Variants in RYR1 observed in about 807,000 individuals in gnomAD.
The protein encoded by RYR1 is central core disease of muscle.
Under a neutral mutation model 583.5 loss-of-function variants are expected in RYR1, and 342 were observed. The observed-to-expected ratio is 0.59, with a 90% confidence interval of 0.54 to 0.64. The LOEUF (loss-of-function observed/expected upper bound fraction) is 0.64. Ranked by LOEUF, RYR1 falls within the 30% of genes least tolerant of loss-of-function variation. The pLI is 0.00. For synonymous variants in RYR1, 2,791 were observed against 2,822.5 expected (o/e 0.99, Z 0.35); for missense variants, 6,032 against 6,917.2 (o/e 0.87, Z 4.54).
Position 38,543,867 on chromosome 19 carries a change from C to T in RYR1, c.12004C>T (p.Leu4002Phe). The change falls in exon 87 of 106, where the codon CTC becomes TTC. Residue 4002 changes from leucine to phenylalanine, a missense_variant. Around this residue, in one of 11 missense-constraint regions of RYR1, gnomAD observed 82 missense variants for 139.7 expected, o/e 0.59. Transcript: ENST00000359596. This position sits in a 1 kb window ranked among gnomAD's most constrained non-coding sequence, Gnocchi z 4.4. ...LHVFAHMMMK[L>F]AQDSSQIELL... Reference sequence around the variant, plus strand: ...CGTGTTCGCCCACATGATGATGAAGCTCGCTCAGGTTCGAGCCCCTCTGGT... The same window carrying T: ...CGTGTTCGCCCACATGATGATGAAGTTCGCTCAGGTTCGAGCCCCTCTGGT... 1 of 1,613,338 alleles carries T rather than the reference C, an allele frequency of 6.2e-7. No individual in the cohort carries two copies. The highest frequency in any genetic ancestry group is 8.5e-7 in the Non-Finnish European group (1 of 1,179,982).
rs780267024 is a variant in RYR1 at position 38,494,852 on chromosome 19, C to CTTT, written c.6548+227_6548+228insTTT. Among the ~76,000 whole-genome samples the CTTT allele has an allele frequency of 9.7e-4, 138 of 142,172 alleles. 5 individuals are homozygous for CTTT. The highest frequency in any genetic ancestry group is 3.5e-3 in the African/African-American group (124 of 35,400). The allele number at this position is 142,172 out of a possible 152,430, so 93.3% of individuals were successfully genotyped here. On this transcript the variant is annotated intron_variant, in intron 39 of 105. Transcript: ENST00000359596. Reference sequence around the variant, plus strand: ...CTCAGCAGGACATTCCCCACCCCCCCCTTTTTTTTTTTTTTTGTGAGACTG... The same window carrying CTTT: ...CTCAGCAGGACATTCCCCACCCCCCCTTTCTTTTTTTTTTTTTTTGTGAGACTG...
At chr19:38,563,476 G>A (rs938348731) in intron 90 of RYR1, among the ~76,000 whole-genome samples, 2 of 152,196 alleles carry the variant, frequency 1.3e-5, no homozygotes, top group Non-Finnish European at 2.9e-5. Context: ...TGTTGGCAAG[G>A]CTGGTCTTGA....
chr19:38,559,128 G>A (rs1039389667), intron 89 of RYR1, among the ~76,000 whole-genome samples: 4 of 152,056 alleles, frequency 2.6e-5, no homozygotes, highest in African/African-American at 9.7e-5. Flanking sequence ...AAAGGGATGG[G>A]CAATGAATGA....
chr19:38,523,193 C>G (rs1288426312), intron 68 of RYR1, 24 bp from the exon 69 acceptor site: 1 of 1,614,108 alleles, frequency 6.2e-7, no homozygotes, highest in Non-Finnish European at 8.5e-7. Flanking sequence ...CCTGTCCGGT[C>G]TGCAACACTG....
intron 89 of RYR1, among the ~76,000 whole-genome samples, chr19:38,551,189 G>T (rs1209723823): frequency 2.0e-5 from 3 of 151,518 alleles, no homozygotes; most frequent in Non-Finnish European, 4.4e-5. Context: ...TGGGATTACA[G>T]GTATGCACCA....
chr19:38,488,694 G>A (rs1442491091), intron 34 of RYR1, among the ~76,000 whole-genome samples: 5 of 152,020 alleles, frequency 3.3e-5, no homozygotes, highest in African/African-American at 7.2e-5. Flanking sequence ...TTGTAGAGAC[G>A]GGGTTTCACC....
chr19:38,468,751 GAC>G (rs1217162950), intron 25 of RYR1, among the ~76,000 whole-genome samples: 1 of 152,194 alleles, frequency 6.6e-6, no homozygotes, highest in Non-Finnish European at 1.5e-5. Context: ...GAAGGGATGA[GAC>G]ACAGAGATTA....
At chr19:38,486,292 T>A (rs538810262) in intron 34 of RYR1, 90 bp downstream of exon 34, 31 of 1,493,052 alleles carry the variant, frequency 2.1e-5, no homozygotes, top group South Asian at 2.0e-4. Context: ...CCTCTATTTA[T>A]GCATCCAACC....
chr19:38,460,329 C>T, intron 19 of RYR1, 46 bp from the exon 20 acceptor site: 1 of 1,548,002 alleles, frequency 6.5e-7, no homozygotes, highest in Non-Finnish European at 8.9e-7. Flanking sequence ...ACAGACTGTC[C>T]CCCATAACCT....
At chr19:38,479,368 A>C (rs781278896) in intron 31 of RYR1, among the ~76,000 whole-genome samples, 7 of 152,048 alleles carry the variant, frequency 4.6e-5, no homozygotes, top group Non-Finnish European at 7.4e-5. Context: ...CTTTATTTTA[A>C]TTTTTTGGCA....
chr19:38,563,548 C>T (rs867582886), intron 90 of RYR1, among the ~76,000 whole-genome samples: 6 of 152,282 alleles, frequency 3.9e-5, no homozygotes, highest in Non-Finnish European at 5.9e-5. Flanking sequence ...TACAGGTGTG[C>T]GCCACCGTGG....
At chr19:38,567,029 C>A (rs1344370758) in intron 92 of RYR1, 42 bp downstream of exon 92, 1 of 1,553,978 alleles carries the variant, frequency 6.4e-7, no homozygotes, top group East Asian at 2.4e-5. Context: ...CCTATCACTG[C>A]CTCCCTCCTA....
Position 38,494,626 on chromosome 19 carries a change from G to A in RYR1, c.6548+1G>A. 1 of 1,614,046 alleles carries A rather than the reference G, an allele frequency of 6.2e-7. No individual in the cohort carries two copies. The highest frequency in any genetic ancestry group is 8.5e-7 in the Non-Finnish European group (1 of 1,180,032). On this transcript the variant is annotated splice_donor_variant, in intron 39 of 105. Transcript: ENST00000359596. LOFTEE classifies it high-confidence loss of function. ...AGAACCTCATGATCCAGAGCATCGG[G>A]TGAGACACCGCCCTTCCCCCTTACT...
Position 38,452,879 on chromosome 19 carries a change from G to C in RYR1, c.1305G>C (p.Leu435=). ...RGSGPPAGTA[L]PIEGVILSLQ... ...CGGGGCCACCCGCTGGCACGGCGCT[G>C]CCCATCGAGGGCGTTATCCTGAGCC... Residue 435 remains leucine (L), a synonymous_variant, in exon 13 of 106, where the codon CTG becomes CTC. Transcript: ENST00000359596. The C allele has an allele frequency of 6.2e-7, 1 of 1,611,642 alleles. No homozygotes were observed. Among genetic ancestry groups the C allele is most frequent in the Non-Finnish European group, 8.5e-7 (1 of 1,178,930 alleles).
At chr19:38,569,320 C>A (rs1360748796) in intron 93 of RYR1, among the ~76,000 whole-genome samples, 2 of 146,314 alleles carry the variant, frequency 1.4e-5, no homozygotes, top group African/African-American at 5.0e-5. Flanking sequence ...TATTTTTAAT[C>A]TTTTTTTTTT....
At chr19:38,448,532 C>T (rs1372940907) in intron 10 of RYR1, 21 bp downstream of exon 10, 3 of 1,612,164 alleles carry the variant, frequency 1.9e-6, no homozygotes, top group Admixed American at 1.7e-5. Flanking sequence ...TTTGTGGCGC[C>T]CTCCCTCACC....
chr19:38,490,393 G>T, intron 36 of RYR1, 117 bp downstream of exon 36: 2 of 1,030,386 alleles, frequency 1.9e-6, no homozygotes. Context: ...CCTGACCCTA[G>T]TGATACATTT....
In RYR1 at chr19:38,460,546, C is replaced by G. The variant is rs1343449225; in HGVS notation, c.2532C>G (p.Cys844Trp). 6.2e-7 allele frequency: 1 copy of G among 1,613,900 alleles called. No homozygotes were observed. Among genetic ancestry groups the G allele is most frequent in the Admixed American group, 1.7e-5 (1 of 60,032 alleles). ...CTCACCTGGTGGGCCCCAGTCGCTGCCTCTCACACACCGACTTCGTGCCCT... is the reference window on the plus strand; with the variant it reads ...CTCACCTGGTGGGCCCCAGTCGCTGGCTCTCACACACCGACTTCGTGCCCT... ...RGPHLVGPSRCLSHTDFVPCP... is the reference protein window; with the variant it reads ...RGPHLVGPSRWLSHTDFVPCP... The change falls in exon 20 of 106, where the codon TGC becomes TGG. Residue 844 changes from cysteine (C) to tryptophan (W), a missense_variant. Cys to Trp is a radical substitution (Grantham distance 215). Around this residue, in one of 11 missense-constraint regions of RYR1, gnomAD observed 2,627 missense variants for 2,961.3 expected, o/e 0.89. Coordinates refer to ENST00000359596, the MANE Select transcript of RYR1 (RefSeq NM_000540.3).
At chr19:38,535,008 C>T in intron 79 of RYR1, 133 bp from the exon 80 acceptor site, 1 of 1,046,134 alleles carries the variant, frequency 9.6e-7, no homozygotes, top group Non-Finnish European at 1.4e-6. Flanking sequence ...CAATCACGAT[C>T]ACCCCTGCAT....
Sources: allele counts gnomAD v4.1 joint callset (sites outside exome capture counted in the v4.1 genomes callset), GRCh38; gene constraint gnomAD v4.1.1; regional missense constraint gnomAD v4.1.1; non-coding constraint Gnocchi (gnomAD v3.1); transcripts MANE v1.5; gene names NCBI Gene and HGNC (gene_info 2026-07-23, HGNC 2026-07-21).